CTBP2: variants seen among roughly 807,000 people sequenced by gnomAD.
CTBP2 encodes C-terminal-binding protein 2.
Under a neutral mutation model 80.3 loss-of-function variants are expected in CTBP2, and 30 were observed. That is an observed-to-expected ratio of 0.37 (90% CI 0.28 to 0.51). CTBP2 has a LOEUF of 0.51. CTBP2 is among the 20% of genes least tolerant of loss of function. The pLI, the probability that CTBP2 is intolerant of heterozygous loss-of-function variation, is 0.93. For synonymous variants in CTBP2, 594 were observed against 587.4 expected (o/e 1.01, Z -0.16); for missense variants, 1,212 against 1,375.3 (o/e 0.88, Z 1.88).
At position 125,151,269 on chromosome 10, in the gene CTBP2, C is replaced by T. The variant is rs141820619; in HGVS notation, c.-206+9050G>A. On this transcript the variant is annotated intron_variant, in intron 1 of 10. Transcript: ENST00000337195. ...CAGATCGCACCGTCCTACCACTCTG[C>T]GCTCGGACAACCTCTAGTCACATGC... Among the ~76,000 whole-genome samples the T allele has an allele frequency of 5.0e-3, 763 of 152,274 alleles. 8 individuals are homozygous for T. The highest frequency in any genetic ancestry group is 0.017 in the African/African-American group (707 of 41,552).
At chr10:125,005,998 G>A in intron 1 of CTBP2, 1 of 1,437,872 alleles carries the variant, frequency 7.0e-7, no homozygotes, top group Admixed American at 2.9e-5. Context: ...TGGGGAGCCT[G>A]AGAGGCCATT....
intron 2 of CTBP2, among the ~76,000 whole-genome samples, chr10:125,082,743 A>G (rs1319479090): frequency 6.6e-6 from 1 of 152,032 alleles, no homozygotes; most frequent in East Asian, 1.9e-4. Flanking sequence ...GCACGCCACC[A>G]CACCTGGCTA....
Position 125,083,628 on chromosome 10 carries a change from C to T in CTBP2, c.-102+27362G>A, listed in dbSNP as rs553387712. Among the ~76,000 whole-genome samples the T allele has an allele frequency of 9.3e-5, 14 of 151,214 alleles. No individual in the cohort carries two copies. The South Asian group carries it at 1.9e-3, about 20-fold the overall frequency. ...TCCGAACAAGCACCCAGGATACACT[C>T]GCTGTTGTTTGTTTGTTTGTTTTAA... is the stretch of plus-strand genomic sequence containing the variant. On this transcript the variant is annotated intron_variant, in intron 2 of 10. Coordinates refer to the CTBP2 transcript ENST00000337195.
intron 2 of CTBP2, among the ~76,000 whole-genome samples, chr10:125,067,868 G>A (rs1844883314): frequency 6.6e-6 from 1 of 152,144 alleles, no homozygotes; most frequent in African/African-American, 2.4e-5. Flanking sequence ...CTCTGAAGCC[G>A]CCAAGTGCAG....
chr10:125,108,289 A>G (rs1397469245), intron 2 of CTBP2, among the ~76,000 whole-genome samples: 1 of 152,256 alleles, frequency 6.6e-6, no homozygotes, highest in Non-Finnish European at 1.5e-5. Context: ...GTCTAGCACA[A>G]CAGGAATGGG....
At chr10:125,155,232 G>A (rs775052517) in intron 1 of CTBP2, among the ~76,000 whole-genome samples, 2 of 152,238 alleles carry the variant, frequency 1.3e-5, no homozygotes, top group Non-Finnish European at 2.9e-5. Context: ...AAAGACGGAT[G>A]AATGTGCCCC....
intron 2 of CTBP2, among the ~76,000 whole-genome samples, chr10:125,067,043 C>G (rs907439972): frequency 6.6e-6 from 1 of 152,214 alleles, no homozygotes; most frequent in Non-Finnish European, 1.5e-5. Context: ...ACACCCCCCA[C>G]GTCCACCTGC....
At chr10:125,063,064 G>T (rs1243912477) in intron 2 of CTBP2, among the ~76,000 whole-genome samples, 1 of 152,210 alleles carries the variant, frequency 6.6e-6, no homozygotes, top group Admixed American at 6.5e-5. Context: ...CAGCAGCGAG[G>T]CAGGGCCCTG....
chr10:125,151,613 C>T (rs971720862), intron 1 of CTBP2, among the ~76,000 whole-genome samples: 147 of 152,374 alleles, frequency 9.6e-4, no homozygotes, highest in Non-Finnish European at 1.9e-4. Context: ...AACCTCACCA[C>T]TCACCACGAC....
intron 8 of CTBP2, 59 bp from the exon 11 acceptor site, chr10:124,989,757 G>A: frequency 6.8e-7 from 1 of 1,468,460 alleles, no homozygotes; most frequent in Non-Finnish European, 9.1e-7. Flanking sequence ...CAAGCTCTTG[G>A]CTCTTCTACT....
chr10:125,060,659 G>C (rs148881079), intron 2 of CTBP2, among the ~76,000 whole-genome samples: 1 of 152,246 alleles, frequency 6.6e-6, no homozygotes, highest in South Asian at 2.1e-4. Flanking sequence ...GCAGTCATGC[G>C]GAAGAGGGAT....
At chr10:125,050,967 C>T (rs778925468) in intron 2 of CTBP2, among the ~76,000 whole-genome samples, 38 of 152,150 alleles carry the variant, frequency 2.5e-4, no homozygotes, top group Non-Finnish European at 5.0e-4. Context: ...TGGATGGTGC[C>T]CATGAATACA....
intron 2 of CTBP2, among the ~76,000 whole-genome samples, chr10:125,090,737 G>C (rs1445610737): frequency 1.3e-5 from 2 of 151,204 alleles, no homozygotes; most frequent in Non-Finnish European, 2.9e-5. Context: ...CTGGACGACA[G>C]AGCAAGATCT....
intron 2 of CTBP2, among the ~76,000 whole-genome samples, chr10:125,110,462 A>G (rs1171819744): frequency 6.6e-6 from 1 of 152,120 alleles, no homozygotes. Context: ...CCACATTCCC[A>G]ATCTACTCCG....
intron 2 of CTBP2, among the ~76,000 whole-genome samples, chr10:125,067,086 G>A (rs1261822888): frequency 6.6e-6 from 1 of 152,136 alleles, no homozygotes; most frequent in Non-Finnish European, 1.5e-5. Flanking sequence ...GCCGGCAAAG[G>A]CTTACACTTT....
intron 1 of CTBP2, among the ~76,000 whole-genome samples, chr10:125,021,829 T>C (rs949047466): frequency 6.6e-6 from 1 of 152,174 alleles, no homozygotes; most frequent in African/African-American, 2.4e-5. Flanking sequence ...AGCTCACTGA[T>C]GTCGGGTGTG....
At chr10:125,063,863 G>A (rs1452477313) in intron 2 of CTBP2, among the ~76,000 whole-genome samples, 2 of 152,178 alleles carry the variant, frequency 1.3e-5, no homozygotes, top group African/African-American at 4.8e-5. Flanking sequence ...CAAGAAGGGT[G>A]GACACCCCGT....
intron 1 of CTBP2, among the ~76,000 whole-genome samples, chr10:125,127,532 T>C (rs1462123961): frequency 6.6e-6 from 1 of 152,166 alleles, no homozygotes; most frequent in African/African-American, 2.4e-5. Flanking sequence ...TTTGGTGAGG[T>C]ATTGTAAATT....
chr10:125,068,191 C>A (rs780340886), intron 2 of CTBP2, among the ~76,000 whole-genome samples: 5 of 152,152 alleles, frequency 3.3e-5, no homozygotes, highest in Non-Finnish European at 5.9e-5. Flanking sequence ...AGAGTTCTGC[C>A]CCACGACCAT....
Sources: gnomAD v4.1 joint callset for allele counts (sites outside exome capture counted in the v4.1 genomes callset) on GRCh38, gnomAD v4.1.1 for gene constraint, MANE v1.5 for transcripts, NCBI Gene and HGNC (gene_info 2026-07-23, HGNC 2026-07-21) for gene names.